FAM107B: variants seen among roughly 807,000 people sequenced by gnomAD.
The protein encoded by FAM107B is family with sequence similarity 107 member B.
A neutral mutation model predicts 31.5 loss-of-function variants in FAM107B; 21 were observed. That is an observed-to-expected ratio of 0.67 (90% CI 0.47 to 0.96). FAM107B has a LOEUF of 0.96. Ranked by LOEUF, FAM107B falls within the 40% of genes least tolerant of loss-of-function variation. The pLI, the probability that FAM107B is intolerant of heterozygous loss-of-function variation, is 0.00. For synonymous variants in FAM107B, 157 were observed against 141.5 expected, an observed-to-expected ratio of 1.11 and a Z score of -0.78; for missense variants, 452 against 377.1, an observed-to-expected ratio of 1.20 and a Z score of -1.64.
At chr10:14,649,143 T>C (rs1334380339) in intron 2 of FAM107B, among the ~76,000 whole-genome samples, 3 of 152,160 alleles carry the variant, frequency 2.0e-5, no homozygotes, top group Non-Finnish European at 2.9e-5. Context: ...TTTATATTGC[T>C]CCCTTTGGAA....
chr10:14,602,832 C>G (rs1031062018), intron 2 of FAM107B: 1 of 152,174 alleles, frequency 6.6e-6, no homozygotes, highest in African/African-American at 2.4e-5. Context: ...CCCTTCTGTA[C>G]AGGTGGTTAT....
chr10:14,715,303 A>C (rs905749249), intron 1 of FAM107B, among the ~76,000 whole-genome samples: 1 of 152,248 alleles, frequency 6.6e-6, no homozygotes, highest in Non-Finnish European at 1.5e-5. Flanking sequence ...GAAATTAAAA[A>C]TACGATCACT....
At chr10:14,561,380 T>C (rs1167034726) in intron 2 of FAM107B, among the ~76,000 whole-genome samples, 2 of 152,148 alleles carry the variant, frequency 1.3e-5, no homozygotes, top group Non-Finnish European at 2.9e-5. Flanking sequence ...TGGATATTCA[T>C]GAAACACCGC....
rs1345592242 is a variant in FAM107B at position 14,689,996 on chromosome 10, C to T, written c.412-22305G>A. ...GAAAGAAAAAAAGAAGAAAGAAAGA[C>T]AAAAGGAAGGAAGGAAGGAAGGAAG... is the stretch of plus-strand genomic sequence containing the variant. On this transcript the variant is annotated intron_variant, in intron 1 of 4. Coordinates refer to ENST00000181796, the MANE Select transcript of FAM107B (RefSeq NM_031453.4). Among the ~76,000 whole-genome samples, 6 of 68,352 alleles carry T rather than the reference C, an allele frequency of 8.8e-5. No individual in the cohort carries two copies. In the Admixed American group the frequency reaches 1.0e-3, roughly 12 times the overall value. 44.8% of individuals were successfully genotyped at this position (68,352 alleles called of 152,430 possible). A position where few individuals can be genotyped will look rare whatever the true frequency, so the allele number is the denominator to read the frequency against.
At chr10:14,616,816 T>G (rs530470456) in intron 2 of FAM107B, among the ~76,000 whole-genome samples, 92 of 152,156 alleles carry the variant, frequency 6.0e-4, no homozygotes, top group Non-Finnish European at 1.2e-3. Flanking sequence ...ACCCAGCTAC[T>G]TCAGAGGCTG....
chr10:14,533,320 C>T (rs538231553), intron 2 of FAM107B, among the ~76,000 whole-genome samples: 85 of 152,186 alleles, frequency 5.6e-4, no homozygotes, highest in African/African-American at 2.0e-3. Flanking sequence ...GGACTGGACA[C>T]GAGGCGTGAA....
At chr10:14,629,447 T>TTA (rs1491079239) in intron 2 of FAM107B, among the ~76,000 whole-genome samples, 281 of 7,632 alleles carry the variant, frequency 0.037, 27 homozygotes, top group African/African-American at 0.13. Context: ...ATATATATAT[T>TTA]ATATATATAT....
At chr10:14,721,169 T>C (rs967641828) in intron 1 of FAM107B, among the ~76,000 whole-genome samples, 1 of 152,244 alleles carries the variant, frequency 6.6e-6, no homozygotes, top group Non-Finnish European at 1.5e-5. Flanking sequence ...ACAAAGGACA[T>C]GAACTCATCC....
At chr10:14,642,396 T>C (rs1853650577) in intron 2 of FAM107B, among the ~76,000 whole-genome samples, 2 of 152,348 alleles carry the variant, frequency 1.3e-5, no homozygotes, top group South Asian at 2.1e-4. Flanking sequence ...GCTCTGGGCC[T>C]GATGAGCTCT....
At chr10:14,710,086 A>C (rs1854168) in intron 1 of FAM107B, among the ~76,000 whole-genome samples, 55,623 of 151,970 alleles carry the variant, frequency 0.37, 10,221 homozygotes, top group East Asian at 0.42. Flanking sequence ...CTTAGTTTCT[A>C]ATAATGTATC....
chr10:14,767,387 C>T (rs371814193), intron 1 of FAM107B, among the ~76,000 whole-genome samples: 10 of 151,680 alleles, frequency 6.6e-5, no homozygotes, highest in African/African-American at 2.2e-4. Context: ...CCACCGCACC[C>T]GGCCCCTGAT....
In FAM107B at chr10:14,628,112, G is replaced by GTTTTTTTTTGTTTTTT. The variant is rs58879328; in HGVS notation, c.469+39521_469+39522insAAAAAACAAAAAAAAA. 7.7e-4 allele frequency among the ~76,000 whole-genome samples: 71 copies of GTTTTTTTTTGTTTTTT among 92,686 alleles called. 1 individual carries two copies. The highest frequency in any genetic ancestry group is 1.0e-3 in the Non-Finnish European group (49 of 47,172). The allele number at this position is 92,686 out of a possible 152,430, so 60.8% of individuals were successfully genotyped here. ...TCCTTGTTTGTTTTTTGTTTTGCTG[G>GTTTTTTTTTGTTTTTT]TTTTTTTTTTTTTTTTTTTTTGAGA... On this transcript the variant is annotated intron_variant, in intron 2 of 4. Transcript: ENST00000181796.
chr10:14,743,839 CT>C (rs1310907178), intron 1 of FAM107B, among the ~76,000 whole-genome samples: 2 of 152,090 alleles, frequency 1.3e-5, no homozygotes, highest in Non-Finnish European at 2.9e-5. Context: ...TATATGGGCT[CT>C]TTTTTGGTTC....
At chr10:14,584,254 C>T (rs1034719774) in intron 2 of FAM107B, among the ~76,000 whole-genome samples, 1 of 152,154 alleles carries the variant, frequency 6.6e-6, no homozygotes, top group Non-Finnish European at 1.5e-5. Context: ...CTATAGGACC[C>T]TAAAGAGACA....
chr10:14,685,119 C>T (rs1342098628), intron 1 of FAM107B, among the ~76,000 whole-genome samples: 3 of 150,130 alleles, frequency 2.0e-5, no homozygotes, highest in African/African-American at 4.9e-5. Flanking sequence ...TTAGTCGTCA[C>T]GCCCAGCCAA....
intron 1 of FAM107B, among the ~76,000 whole-genome samples, chr10:14,773,693 A>G (rs560580065): frequency 7.8e-4 from 119 of 152,308 alleles, no homozygotes; most frequent in African/African-American, 2.8e-3. Flanking sequence ...CAACTCTCAG[A>G]AGATTATCAC....
At chr10:14,604,174 G>T in intron 2 of FAM107B, 1 of 965,316 alleles carries the variant, frequency 1.0e-6, no homozygotes, top group Non-Finnish European at 1.2e-6. Context: ...GGTCGGGCAG[G>T]GCCGCCGCCC....
intron 1 of FAM107B, among the ~76,000 whole-genome samples, chr10:14,674,098 C>T (rs760063682): frequency 2.8e-4 from 42 of 152,168 alleles, no homozygotes; most frequent in Admixed American, 5.2e-4. Context: ...CAAAAATCAA[C>T]TCAAAATGCA....
chr10:14,572,002 G>C lies in FAM107B; in HGVS notation c.470-41487C>G, dbSNP rs977292252. On this transcript the variant is annotated intron_variant, in intron 2 of 4. Transcript: ENST00000181796. ...CAGTAAGAATGCACCTTCTGACTGTGGTAGTTCCTTAGAGCGGTGAAGAAA... is the reference window on the plus strand; with the variant it reads ...CAGTAAGAATGCACCTTCTGACTGTCGTAGTTCCTTAGAGCGGTGAAGAAA... 3.0e-6 allele frequency: 3 copies of C among 985,276 alleles called. No homozygotes were observed. In the Admixed American group the frequency reaches 1.8e-4, roughly 61 times the overall value. 61.0% of individuals were successfully genotyped at this position (985,276 alleles called of 1,614,324 possible). A position where few individuals can be genotyped will look rare whatever the true frequency, so the allele number is the denominator to read the frequency against.
Sources: allele counts gnomAD v4.1 joint callset (sites outside exome capture counted in the v4.1 genomes callset), GRCh38; gene constraint gnomAD v4.1.1; transcripts MANE v1.5; gene names NCBI Gene and HGNC (gene_info 2026-07-23, HGNC 2026-07-21).